The following SEM1 variants were observed in gnomAD, a reference collection of about 807,000 sequenced individuals.
SEM1 encodes SEM1 26S proteasome subunit.
Under a neutral mutation model 12.7 loss-of-function variants are expected in SEM1, and 3 were observed. The ratio of observed to expected loss-of-function variants is 0.24; its 90% CI spans 0.11 to 0.61. The LOEUF is 0.61. Among genes scored for constraint, SEM1 ranks in the 20% least tolerant of loss-of-function variants. The probability of loss-of-function intolerance (pLI) is 0.88; values close to 1 mark genes in which losing one functional copy is unlikely to be tolerated. For synonymous variants in SEM1, 30 were observed against 27.8 expected, an observed-to-expected ratio of 1.08 and a Z score of -0.25; for missense variants, 59 against 81.3, an observed-to-expected ratio of 0.73 and a Z score of 1.06.
intron 2 of SEM1, among the ~76,000 whole-genome samples, chr7:96,666,722 C>T (rs1172246813): frequency 1.3e-5 from 2 of 151,532 alleles, no homozygotes; most frequent in Non-Finnish European, 2.9e-5. Context: ...GGACTTCAAC[C>T]TGGTACCCAC....
At chr7:96,540,401 T>C (rs991615988) in intron 2 of SEM1, among the ~76,000 whole-genome samples, 7 of 151,890 alleles carry the variant, frequency 4.6e-5, no homozygotes, top group African/African-American at 1.7e-4. Context: ...CTCATCTCAG[T>C]ATATAAAATG....
At chr7:96,586,478 G>T (rs551297477) in intron 2 of SEM1, among the ~76,000 whole-genome samples, 1 of 152,296 alleles carries the variant, frequency 6.6e-6, no homozygotes, top group East Asian at 1.9e-4. Context: ...AGACTACAAA[G>T]TTCTTTACAC....
chr7:96,671,027 T>C (rs1226272840), downstream of SEM1, among the ~76,000 whole-genome samples: 1 of 152,202 alleles, frequency 6.6e-6, no homozygotes, highest in East Asian at 1.9e-4. Flanking sequence ...TCTTCACTTC[T>C]GCACTGATTA....
At chr7:96,622,594 T>C (rs1380696167) in exon 3 of SEM1, 2 of 764,638 alleles carry the variant, frequency 2.6e-6, no homozygotes. Flanking sequence ...GCCTGACTCC[T>C]GAGTATTGGC....
In SEM1 at chr7:96,630,642, A is replaced by G. The variant is rs577539214; in HGVS notation, c.171-7999T>C. 5.3e-5 allele frequency among the ~76,000 whole-genome samples: 8 copies of G among 152,256 alleles called. No homozygotes were observed. The East Asian group carries it at 1.5e-3, about 29-fold the overall frequency. ...TCTATCCCCCTGTAGCCAAGGTGGC[A>G]CCTAAGGTGCAAGACAAAGTCCCCT... is the stretch of plus-strand genomic sequence containing the variant. On this transcript the variant is annotated intron_variant, in intron 2 of 2. Transcript: ENST00000417009.
chr7:96,637,818 C>G (rs918421318), intron 2 of SEM1, among the ~76,000 whole-genome samples: 17 of 152,080 alleles, frequency 1.1e-4, no homozygotes, highest in Non-Finnish European at 2.4e-4. Flanking sequence ...ATTACCCTGG[C>G]TAATTCTTAT....
intron 2 of SEM1, among the ~76,000 whole-genome samples, chr7:96,579,616 G>A (rs913716910): frequency 2.0e-4 from 31 of 152,152 alleles, no homozygotes; most frequent in Non-Finnish European, 4.0e-4. Context: ...GCCTCCAGTT[G>A]TGAAAATTGA....
chr7:96,703,926 T>C (rs1790353625), intron 1 of SEM1, among the ~76,000 whole-genome samples: 1 of 150,458 alleles, frequency 6.6e-6, no homozygotes. Flanking sequence ...GCCACTGTAC[T>C]CCAGCCTGGG....
chr7:96,565,672 C>A (rs1805823966), intron 2 of SEM1, among the ~76,000 whole-genome samples: 1 of 151,682 alleles, frequency 6.6e-6, no homozygotes, highest in Non-Finnish European at 1.5e-5. Flanking sequence ...ACACACACAG[C>A]ACTAATTTTA....
chr7:96,628,957 G>A (rs371340069), intron 2 of SEM1, among the ~76,000 whole-genome samples: 7 of 152,014 alleles, frequency 4.6e-5, no homozygotes, highest in East Asian at 1.9e-4. Flanking sequence ...ACTTAATTAC[G>A]TCATGCCCCT....
At chr7:96,496,594 G>A (rs911597654), upstream of SEM1, among the ~76,000 whole-genome samples, 1 of 151,798 alleles carries the variant, frequency 6.6e-6, no homozygotes, top group African/African-American at 2.4e-5. Context: ...GACATATTTA[G>A]GATAAGAAAA....
At chr7:96,539,914 T>G (rs1251670831) in intron 2 of SEM1, among the ~76,000 whole-genome samples, 1 of 151,270 alleles carries the variant, frequency 6.6e-6, no homozygotes, top group African/African-American at 2.4e-5. Flanking sequence ...TTTATGGTTT[T>G]TGCCATATAA....
chr7:96,657,067 TA>T (rs1436550033), intron 2 of SEM1, among the ~76,000 whole-genome samples: 1 of 152,132 alleles, frequency 6.6e-6, no homozygotes, highest in Non-Finnish European at 1.5e-5. Context: ...CACAGAGACA[TA>T]AAATTTAAGT....
intron 1 of SEM1, among the ~76,000 whole-genome samples, chr7:96,494,289 A>G (rs145661611): frequency 6.6e-6 from 1 of 152,346 alleles, no homozygotes; most frequent in Non-Finnish European, 1.5e-5. Context: ...TATGTGAAAT[A>G]CTTAATAAGT....
At chr7:96,665,413 T>C (rs1789144348) in intron 2 of SEM1, among the ~76,000 whole-genome samples, 1 of 152,214 alleles carries the variant, frequency 6.6e-6, no homozygotes, top group Admixed American at 6.5e-5. Flanking sequence ...TTCCTGTTCA[T>C]TGTTGAACTC....
At chr7:96,703,972 A>AAAACACACACAC in intron 1 of SEM1, among the ~76,000 whole-genome samples, 1 of 142,084 alleles carries the variant, frequency 7.0e-6, no homozygotes, top group East Asian at 2.1e-4. Context: ...GTCTCTTAAA[A>AAAACACACACAC]ACACACACAC....
chr7:96,618,755 T>C (rs945803794), downstream of SEM1, among the ~76,000 whole-genome samples: 4 of 152,092 alleles, frequency 2.6e-5, no homozygotes, highest in South Asian at 8.3e-4. Flanking sequence ...CTAAGATAAC[T>C]ATCTTAGCTT....
intron 1 of SEM1, among the ~76,000 whole-genome samples, chr7:96,705,436 CCT>C (rs1479687827): frequency 6.6e-6 from 1 of 151,636 alleles, no homozygotes; most frequent in East Asian, 1.9e-4. Flanking sequence ...TGTTCTCTTC[CCT>C]CTTTTACTCG....
At chr7:96,563,704 A>G (rs1358974231) in intron 2 of SEM1, among the ~76,000 whole-genome samples, 4 of 152,168 alleles carry the variant, frequency 2.6e-5, no homozygotes, top group Non-Finnish European at 5.9e-5. Flanking sequence ...GTGTTAGAAC[A>G]GCACGTGTAA....
Sources: allele counts gnomAD v4.1 joint callset (sites outside exome capture counted in the v4.1 genomes callset), GRCh38; gene constraint gnomAD v4.1.1; transcripts MANE v1.5; gene names NCBI Gene and HGNC (gene_info 2026-07-23, HGNC 2026-07-21).